The following PPP1R1C variants were observed in gnomAD, a reference collection of about 807,000 sequenced individuals.
The protein encoded by PPP1R1C is protein phosphatase 1 regulatory inhibitor subunit 1C, also known as protein phosphatase 1 regulatory subunit 1C.
Under a neutral mutation model 17.4 loss-of-function variants are expected in PPP1R1C, and 15 were observed. That is an observed-to-expected ratio of 0.86 (90% CI 0.58 to 1.33). The LOEUF is 1.33. Ranked by LOEUF, PPP1R1C falls within the 40% of genes most tolerant of loss-of-function variation. PPP1R1C has a pLI of 0.00. For synonymous variants in PPP1R1C, 35 were observed against 43.1 expected (o/e 0.81, Z 0.73); for missense variants, 143 against 130.0 (o/e 1.10, Z -0.48).
chr2:182,127,877 C>A lies in PPP1R1C; in HGVS notation c.*7-1097C>A, dbSNP rs1164803699. Among the ~76,000 whole-genome samples, 3 of 151,930 alleles carry A rather than the reference C, an allele frequency of 2.0e-5. No homozygotes were observed. The East Asian group carries it at 5.8e-4, about 29-fold the overall frequency. ...TTCTTCCTTAAGGCATTTAAATGAA[C>A]CACAGACTATTCATATTTGTCAAGG... On this transcript the variant is annotated intron_variant, in intron 5 of 5. Coordinates refer to the PPP1R1C transcript ENST00000280295.
At chr2:182,082,402 G>A (rs1032446396) in intron 4 of PPP1R1C, among the ~76,000 whole-genome samples, 30 of 152,092 alleles carry the variant, frequency 2.0e-4, no homozygotes, top group African/African-American at 5.1e-4. Context: ...ATGGGACATC[G>A]TCTCTAAAGC....
Position 181,992,373 on chromosome 2 carries a change from GC to G in PPP1R1C, c.142+4475del, listed in dbSNP as rs1045025192. 2.2e-5 allele frequency among the ~76,000 whole-genome samples: 3 copies of G among 134,432 alleles called. 1 individual carries two copies. The highest frequency in any genetic ancestry group is 8.3e-5 in the African/African-American group (3 of 36,022). 88.2% of individuals were successfully genotyped at this position (134,432 alleles called of 152,430 possible). A position where few individuals can be genotyped will look rare whatever the true frequency, so the allele number is the denominator to read the frequency against. ...TCTTTTATTCTCAATCTCCCTAAGG[GC>G]TTTAATAAACTCTATCCGAATTCTC... On this transcript the variant is annotated intron_variant, in intron 2 of 4. Coordinates refer to ENST00000682840, the MANE Select transcript of PPP1R1C (RefSeq NM_001080545.3).
chr2:182,077,955 C>T (rs1483520638), intron 4 of PPP1R1C, among the ~76,000 whole-genome samples: 6 of 152,134 alleles, frequency 3.9e-5, no homozygotes, highest in African/African-American at 7.2e-5. Context: ...CCAAGGAGGA[C>T]GGCTTGAGAT....
rs997743636 is a variant in PPP1R1C, at chr2:182,065,221, T to G, written c.241+1430T>G. Among the ~76,000 whole-genome samples, 4 of 152,072 alleles carry G rather than the reference T, an allele frequency of 2.6e-5. No homozygotes were observed. The East Asian group carries it at 7.7e-4, about 29-fold the overall frequency. On this transcript the variant is annotated intron_variant, in intron 4 of 4. Coordinates refer to ENST00000682840, the MANE Select transcript of PPP1R1C (RefSeq NM_001080545.3). The stretch of plus-strand genomic sequence containing the variant: ...TAATGGCTTGAGAAAGCACAGTAAT[T>G]GTTTCAAGAGGATATCAGGGTATTA...
At chr2:182,085,808 G>A (rs1336411882) in intron 4 of PPP1R1C, among the ~76,000 whole-genome samples, 5 of 152,118 alleles carry the variant, frequency 3.3e-5, no homozygotes, top group African/African-American at 1.2e-4. Flanking sequence ...TGGGGCGGGT[G>A]AGCAGGGAAC....
chr2:182,091,246 A>G (rs1236780699), intron 4 of PPP1R1C, among the ~76,000 whole-genome samples: 1 of 152,220 alleles, frequency 6.6e-6, no homozygotes, highest in Non-Finnish European at 1.5e-5. Flanking sequence ...CTCAGAAGCC[A>G]AGGGAAGTCA....
rs934656571 is a variant in PPP1R1C, at chr2:182,061,404, A to G, written c.143-38A>G. 10 of 1,313,054 alleles carry G rather than the reference A, an allele frequency of 7.6e-6. No individual in the cohort carries two copies. In the African/African-American group the frequency reaches 1.2e-4, roughly 16 times the overall value. The allele number at this position is 1,313,054 out of a possible 1,614,324, so 81.3% of individuals were successfully genotyped here. ...TAATATATATATTACAAGAAAGAAT[A>G]TTACATGCCTAATACATTCTACCTA... is the stretch of plus-strand genomic sequence containing the variant. On this transcript the variant is annotated intron_variant, in intron 2 of 4. Transcript: ENST00000682840.
intron 2 of PPP1R1C, among the ~76,000 whole-genome samples, chr2:182,009,403 A>T (rs538179737): frequency 6.6e-6 from 1 of 152,162 alleles, no homozygotes; most frequent in African/African-American, 2.4e-5. Flanking sequence ...ACCTTTTCAT[A>T]TACCTATTTG....
At chr2:182,008,286 T>A (rs1469026271) in intron 2 of PPP1R1C, among the ~76,000 whole-genome samples, 1 of 152,168 alleles carries the variant, frequency 6.6e-6, no homozygotes, top group African/African-American at 2.4e-5. Context: ...CCCTTCCATC[T>A]TTAACACTTC....
At chr2:182,026,379 T>G (rs1686611445) in intron 2 of PPP1R1C, among the ~76,000 whole-genome samples, 1 of 140,652 alleles carries the variant, frequency 7.1e-6, no homozygotes, top group Admixed American at 7.2e-5. Flanking sequence ...CTTGAATTGA[T>G]TTTTGTATAA....
At chr2:182,027,807 T>C (rs971559149) in intron 2 of PPP1R1C, among the ~76,000 whole-genome samples, 2 of 148,306 alleles carry the variant, frequency 1.3e-5, no homozygotes, top group African/African-American at 5.0e-5. Context: ...TCCTTGTACC[T>C]CTGGTAGAAT....
At chr2:182,089,343 A>G (rs1343075749) in intron 4 of PPP1R1C, among the ~76,000 whole-genome samples, 2 of 152,180 alleles carry the variant, frequency 1.3e-5, no homozygotes, top group Non-Finnish European at 2.9e-5. Flanking sequence ...AGGGTAGTAG[A>G]AGGAAGAGAT....
downstream of PPP1R1C, among the ~76,000 whole-genome samples, chr2:182,120,312 G>A (rs965783883): frequency 5.3e-5 from 8 of 152,124 alleles, no homozygotes; most frequent in African/African-American, 1.9e-4. Context: ...CTGTAGCCTT[G>A]TAGCTGAAGG....
intron 2 of PPP1R1C, among the ~76,000 whole-genome samples, chr2:182,015,251 C>T (rs906642279): frequency 8.5e-5 from 13 of 152,192 alleles, no homozygotes; most frequent in Admixed American, 5.9e-4. Context: ...GTACTGTTCT[C>T]GTAGTAGTGA....
chr2:182,091,227 G>T (rs2125220975), intron 4 of PPP1R1C, among the ~76,000 whole-genome samples: 1 of 152,222 alleles, frequency 6.6e-6, no homozygotes, highest in Non-Finnish European at 1.5e-5. Flanking sequence ...ACACCCAGAA[G>T]AATTATATCT....
At chr2:181,970,513 G>A (rs540586473) in intron 1 of PPP1R1C, among the ~76,000 whole-genome samples, 17 of 151,972 alleles carry the variant, frequency 1.1e-4, no homozygotes, top group East Asian at 3.9e-4. Context: ...TCTCAGTGCC[G>A]AGCTGTGCAA....
rs66947314 is a variant in PPP1R1C at position 182,080,724 on chromosome 2, GA to G, written c.241+16942del. The stretch of plus-strand genomic sequence containing the variant: ...TGCAGAAAAGGAGAAGCTTTAAGGG[GA>G]AAAAAAAAGGAAAATATTAACTGCT... On this transcript the variant is annotated intron_variant, in intron 4 of 4. Coordinates refer to ENST00000682840, the MANE Select transcript of PPP1R1C (RefSeq NM_001080545.3). Among the ~76,000 whole-genome samples the G allele has an allele frequency of 8.1e-4, 123 of 151,342 alleles. 1 individual carries two copies. The highest frequency in any genetic ancestry group is 3.4e-3 in the Middle Eastern group (1 of 292).
intron 2 of PPP1R1C, among the ~76,000 whole-genome samples, chr2:182,030,228 C>T (rs1193185812): frequency 6.6e-6 from 1 of 152,196 alleles, no homozygotes; most frequent in Non-Finnish European, 1.5e-5. Flanking sequence ...AAGTCATTCT[C>T]CATCCAGCTT....
chr2:182,048,908 G>A (rs1159288250), intron 2 of PPP1R1C: 2 of 152,220 alleles, frequency 1.3e-5, no homozygotes, highest in Non-Finnish European at 2.9e-5. Context: ...AGTTGGATGG[G>A]AAACATGTTG....
Sources: gnomAD v4.1 joint callset for allele counts (sites outside exome capture counted in the v4.1 genomes callset) on GRCh38, gnomAD v4.1.1 for gene constraint, MANE v1.5 for transcripts, NCBI Gene and HGNC (gene_info 2026-07-23, HGNC 2026-07-21) for gene names.